CTNNA2: variants seen among roughly 807,000 people sequenced by gnomAD.
CTNNA2 encodes the protein catenin alpha-2.
Under a neutral mutation model 101.0 loss-of-function variants are expected in CTNNA2, and 42 were observed. The observed-to-expected ratio is 0.42, with a 90% CI of 0.32 to 0.54. The LOEUF is 0.54. Among genes scored for constraint, CTNNA2 ranks in the 20% least tolerant of loss-of-function variants. The pLI, the probability that CTNNA2 is intolerant of heterozygous loss-of-function variation, is 0.14. For synonymous variants in CTNNA2, 450 were observed against 456.4 expected, an observed-to-expected ratio of 0.99 and a Z score of 0.18; for missense variants, 871 against 1,223.1, an observed-to-expected ratio of 0.71 and a Z score of 4.29.
At chr2:79,677,629 AT>A (rs1266354981) in intron 2 of CTNNA2, among the ~76,000 whole-genome samples, 2 of 152,176 alleles carry the variant, frequency 1.3e-5, no homozygotes, top group East Asian at 1.9e-4. Context: ...GAATTGTAAG[AT>A]TTCACTGAAC....
intron 8 of CTNNA2, among the ~76,000 whole-genome samples, chr2:80,419,094 T>G (rs1680287791): frequency 6.6e-6 from 1 of 152,192 alleles, no homozygotes; most frequent in South Asian, 2.1e-4. Context: ...GGTTGATGCC[T>G]AGATTTTTCC....
chr2:80,313,771 C>T (rs907548148), intron 7 of CTNNA2: 8 of 745,766 alleles, frequency 1.1e-5, no homozygotes, highest in Admixed American at 2.5e-5. Flanking sequence ...CTGATGACTC[C>T]CTTGAACATG....
At chr2:79,329,900 A>G (rs1039057313) in intron 3 of CTNNA2, among the ~76,000 whole-genome samples, 3 of 152,154 alleles carry the variant, frequency 2.0e-5, no homozygotes, top group Non-Finnish European at 4.4e-5. Context: ...TAGTGCTTCC[A>G]TTCTAGCAAA....
At chr2:80,480,511 C>T (rs1421530356) in intron 9 of CTNNA2, among the ~76,000 whole-genome samples, 11 of 151,958 alleles carry the variant, frequency 7.2e-5, no homozygotes, top group Admixed American at 7.2e-4. Flanking sequence ...CAGACTTGCC[C>T]CAGTCTATGA....
intron 1 of CTNNA2, among the ~76,000 whole-genome samples, chr2:79,615,624 C>T (rs906270632): frequency 3.3e-5 from 5 of 152,072 alleles, no homozygotes; most frequent in African/African-American, 1.2e-4. Flanking sequence ...CAGTTTTGCT[C>T]GTTTGGTATT....
intron 9 of CTNNA2, among the ~76,000 whole-genome samples, chr2:80,440,291 A>G (rs1209092622): frequency 6.6e-6 from 1 of 152,216 alleles, no homozygotes; most frequent in East Asian, 1.9e-4. Flanking sequence ...ATTAGAAAGA[A>G]CAATGGACAT....
intron 1 of CTNNA2, among the ~76,000 whole-genome samples, chr2:79,641,550 G>C (rs1203044710): frequency 3.3e-5 from 5 of 152,154 alleles, no homozygotes; most frequent in African/African-American, 1.2e-4. Flanking sequence ...TAATAAGCAA[G>C]TTGAACAATG....
At chr2:80,093,844 A>T (rs1339224655) in intron 7 of CTNNA2, among the ~76,000 whole-genome samples, 2 of 151,734 alleles carry the variant, frequency 1.3e-5, no homozygotes, top group Admixed American at 1.3e-4. Context: ...CCACTTTTTG[A>T]TGGGGTTGTT....
At chr2:80,174,503 C>CT (rs1705274977) in intron 7 of CTNNA2, among the ~76,000 whole-genome samples, 1 of 152,160 alleles carries the variant, frequency 6.6e-6, no homozygotes, top group African/African-American at 2.4e-5. Context: ...TTTACACAAT[C>CT]CTAGGCCATC....
intron 7 of CTNNA2, among the ~76,000 whole-genome samples, chr2:80,283,694 T>C (rs1478847140): frequency 2.6e-5 from 4 of 152,108 alleles, no homozygotes; most frequent in African/African-American, 9.7e-5. Flanking sequence ...TTCACCCTAA[T>C]GCAGCTGAGA....
At chr2:79,800,081 G>T (rs1676038765) in intron 3 of CTNNA2, among the ~76,000 whole-genome samples, 1 of 152,120 alleles carries the variant, frequency 6.6e-6, no homozygotes, top group South Asian at 2.1e-4. Context: ...TGTAACTTAT[G>T]TCACTATATC....
intron 4 of CTNNA2, among the ~76,000 whole-genome samples, chr2:79,453,656 T>G (rs1368151610): frequency 2.0e-5 from 3 of 152,016 alleles, no homozygotes; most frequent in African/African-American, 7.2e-5. Flanking sequence ...GGACAAACAG[T>G]ATATATATAT....
chr2:79,371,668 C>T (rs1284076491), intron 3 of CTNNA2, among the ~76,000 whole-genome samples: 2 of 152,202 alleles, frequency 1.3e-5, no homozygotes, highest in East Asian at 3.9e-4. Flanking sequence ...CTAGGTCTTC[C>T]TAGAGTGAAC....
At chr2:79,651,779 G>C in intron 2 of CTNNA2, 121 bp downstream of exon 2, 2 of 804,546 alleles carry the variant, frequency 2.5e-6, no homozygotes, top group Non-Finnish European at 4.1e-6. Flanking sequence ...TCCGATTACT[G>C]AATATATATT....
intron 7 of CTNNA2, among the ~76,000 whole-genome samples, chr2:79,953,765 G>A (rs992779908): frequency 2.0e-5 from 3 of 152,048 alleles, no homozygotes; most frequent in African/African-American, 7.2e-5. Context: ...AATGATATTT[G>A]GTAACATTGC....
intron 2 of CTNNA2, among the ~76,000 whole-genome samples, chr2:79,226,864 A>G (rs1674416600): frequency 6.6e-6 from 1 of 152,128 alleles, no homozygotes. Context: ...ACTTCATCTT[A>G]GCAACAGGCT....
intron 2 of CTNNA2, among the ~76,000 whole-genome samples, chr2:79,227,901 C>T (rs564840209): frequency 4.6e-5 from 7 of 152,284 alleles, no homozygotes; most frequent in African/African-American, 9.6e-5. Context: ...CTTCAACCCA[C>T]GGCCCTCCCC....
At chr2:79,473,555 C>T (rs1272943424) in intron 4 of CTNNA2, among the ~76,000 whole-genome samples, 1 of 151,920 alleles carries the variant, frequency 6.6e-6, no homozygotes, top group Non-Finnish European at 1.5e-5. Context: ...ATAATTATAG[C>T]GTATTCACAT....
At chr2:80,542,884 C>G (rs1481658423) in intron 9 of CTNNA2, among the ~76,000 whole-genome samples, 2 of 151,888 alleles carry the variant, frequency 1.3e-5, no homozygotes, top group African/African-American at 2.4e-5. Flanking sequence ...TTTTTCCCCC[C>G]CCCACATGCC....
Sources: gnomAD v4.1 joint callset for allele counts (sites outside exome capture counted in the v4.1 genomes callset) on GRCh38, gnomAD v4.1.1 for gene constraint, MANE v1.5 for transcripts, NCBI Gene and HGNC (gene_info 2026-07-23, HGNC 2026-07-21) for gene names.